The following THSD7B variants were observed in gnomAD, a reference collection of about 807,000 sequenced individuals.
THSD7B encodes thrombospondin type 1 domain containing 7B.
A neutral mutation model predicts 213.6 loss-of-function variants in THSD7B; 138 were observed. That is an observed-to-expected ratio of 0.65 (90% confidence interval 0.56 to 0.74). THSD7B has a LOEUF of 0.74. Among genes scored for constraint, THSD7B ranks in the 30% least tolerant of loss-of-function variants. The pLI, the probability that THSD7B is intolerant of heterozygous loss-of-function variation, is 0.00. For missense variants in THSD7B, 1,931 were observed against 1,991.5 expected (o/e 0.97, Z 0.58); for synonymous variants, 742 against 687.0 (o/e 1.08, Z -1.25).
At chr2:137,385,360 G>T (rs553400396) in intron 12 of THSD7B, among the ~76,000 whole-genome samples, 3 of 152,212 alleles carry the variant, frequency 2.0e-5, no homozygotes, top group Non-Finnish European at 4.4e-5. Context: ...GAGGGCACCT[G>T]CCCTGGCCTC....
At chr2:137,496,839 T>A (rs1679579566) in intron 15 of THSD7B, among the ~76,000 whole-genome samples, 1 of 152,178 alleles carries the variant, frequency 6.6e-6, no homozygotes, top group African/African-American at 2.4e-5. Context: ...GGCATAATTT[T>A]TTGAGTGCCT....
chr2:137,072,172 C>A (rs1687507212), intron 3 of THSD7B, among the ~76,000 whole-genome samples: 1 of 152,138 alleles, frequency 6.6e-6, no homozygotes, highest in Non-Finnish European at 1.5e-5. Context: ...ATGAGGATGG[C>A]ATTGAATCTA....
intron 12 of THSD7B, among the ~76,000 whole-genome samples, chr2:137,398,244 G>A (rs1297561379): frequency 1.0e-4 from 15 of 148,602 alleles, no homozygotes; most frequent in East Asian, 4.0e-4. Flanking sequence ...GGTGCTCTGC[G>A]TTTTAGAGTT....
intron 15 of THSD7B, among the ~76,000 whole-genome samples, chr2:137,461,834 T>C (rs1453290): frequency 0.55 from 83,491 of 151,968 alleles, 25,774 homozygotes; most frequent in East Asian, 0.79. Context: ...ACTTTTGTGT[T>C]TCTATCTCCT....
intron 12 of THSD7B, among the ~76,000 whole-genome samples, chr2:137,373,494 T>G (rs553393924): frequency 2.0e-4 from 30 of 152,366 alleles, no homozygotes; most frequent in African/African-American, 7.2e-4. Flanking sequence ...CATAAATGTC[T>G]TCTTTTGAGA....
At chr2:137,610,472 G>A (rs1409121567) in intron 17 of THSD7B, among the ~76,000 whole-genome samples, 7 of 152,046 alleles carry the variant, frequency 4.6e-5, no homozygotes, top group Admixed American at 6.6e-5. Context: ...TACCCCCTTC[G>A]GTTCTACTTT....
intron 16 of THSD7B, among the ~76,000 whole-genome samples, chr2:137,567,546 G>A (rs1304022252): frequency 6.6e-6 from 1 of 152,114 alleles, no homozygotes; most frequent in Non-Finnish European, 1.5e-5. Flanking sequence ...GGTGAAAGAA[G>A]TTAATGGTTG....
chr2:137,080,326 C>A (rs1640194252), intron 3 of THSD7B, among the ~76,000 whole-genome samples: 1 of 150,858 alleles, frequency 6.6e-6, no homozygotes, highest in Non-Finnish European at 1.5e-5. Flanking sequence ...TCAAGACTCC[C>A]AAGCAGCTGC....
intron 2 of THSD7B, 83 bp from the exon 3 acceptor site, chr2:137,056,337 A>G: frequency 7.3e-7 from 1 of 1,370,794 alleles, no homozygotes; most frequent in Non-Finnish European, 9.8e-7. Flanking sequence ...TGTGTTGGAA[A>G]GTGTGTTAAT....
chr2:137,420,626 A>G (rs1179088647), intron 14 of THSD7B, among the ~76,000 whole-genome samples: 1 of 152,232 alleles, frequency 6.6e-6, no homozygotes, highest in African/African-American at 2.4e-5. Flanking sequence ...TCACTCTATC[A>G]TCACAAACAG....
intron 7 of THSD7B, among the ~76,000 whole-genome samples, chr2:137,208,789 T>C (rs182120968): frequency 3.3e-5 from 5 of 152,042 alleles, no homozygotes; most frequent in Admixed American, 3.3e-4. Context: ...TCATGAGCCA[T>C]GGGGCTGGGT....
intron 17 of THSD7B, among the ~76,000 whole-genome samples, chr2:137,610,691 T>C (rs556786899): frequency 6.6e-6 from 1 of 152,278 alleles, no homozygotes; most frequent in South Asian, 2.1e-4. Flanking sequence ...CCTAACTCCA[T>C]ACCCATTTCT....
chr2:136,796,980 T>TCTCACA (rs144405485), intron 1 of THSD7B, among the ~76,000 whole-genome samples: 49 of 146,946 alleles, frequency 3.3e-4, no homozygotes, highest in African/African-American at 1.1e-3. Context: ...TCATATTTGA[T>TCTCACA]CACACACACA....
chr2:137,575,981 G>A (rs76087310), intron 17 of THSD7B, among the ~76,000 whole-genome samples: 5,780 of 151,890 alleles, frequency 0.038, 308 homozygotes, highest in African/African-American at 0.12. Flanking sequence ...TTTTTGTCCT[G>A]ATCCTACATA....
chr2:136,804,807 G>A (rs1682255059), intron 1 of THSD7B, among the ~76,000 whole-genome samples: 1 of 152,148 alleles, frequency 6.6e-6, no homozygotes, highest in Admixed American at 6.5e-5. Context: ...TTAAGGATGA[G>A]GTGTCATGCT....
In THSD7B at chr2:136,992,718, A is replaced by T. The variant is rs535826486; in HGVS notation, c.140-63702A>T. Among the ~76,000 whole-genome samples, 6 of 152,270 alleles carry T rather than the reference A, an allele frequency of 3.9e-5. No homozygotes were observed. The South Asian group carries it at 1.2e-3, about 32-fold the overall frequency. On this transcript the variant is annotated intron_variant, in intron 2 of 27. Coordinates refer to ENST00000409968, the MANE Select transcript of THSD7B (RefSeq NM_001316349.2). ...GTCCCTGGGGGTGTTAACAACTTGG[A>T]ACTTCTGGCTTGCCACACAGTAGCA...
chr2:137,240,865 A>G (rs1469460954), intron 9 of THSD7B, among the ~76,000 whole-genome samples: 3 of 152,018 alleles, frequency 2.0e-5, no homozygotes, highest in Non-Finnish European at 4.4e-5. Context: ...GTCATTTTGT[A>G]TACACTTCCT....
intron 12 of THSD7B, among the ~76,000 whole-genome samples, chr2:137,278,605 G>T (rs573264988): frequency 3.9e-4 from 60 of 152,172 alleles, no homozygotes; most frequent in African/African-American, 1.3e-3. Flanking sequence ...AGAGGACATT[G>T]GCATTCCTAG....
chr2:137,278,269 G>T (rs1390604262), intron 12 of THSD7B, among the ~76,000 whole-genome samples: 1 of 152,046 alleles, frequency 6.6e-6, no homozygotes, highest in East Asian at 1.9e-4. Flanking sequence ...ACCACCTGGG[G>T]TAAAGTCATG....
Sources: gnomAD v4.1 joint callset for allele counts (sites outside exome capture counted in the v4.1 genomes callset) on GRCh38, gnomAD v4.1.1 for gene constraint, MANE v1.5 for transcripts, NCBI Gene and HGNC (gene_info 2026-07-23, HGNC 2026-07-21) for gene names.